PPP2R2C: variants seen among roughly 807,000 people sequenced by gnomAD.
PPP2R2C encodes the protein protein phosphatase 2 regulatory subunit Bgamma, also known as protein phosphatase 2, regulatory subunit B, gamma.
A neutral mutation model predicts 45.3 loss-of-function variants in PPP2R2C; 10 were observed. That is an observed-to-expected ratio of 0.22 (90% confidence interval 0.14 to 0.37). The LOEUF is 0.37. PPP2R2C is among the 10% of genes least tolerant of loss of function. The pLI is 1.00. For synonymous variants in PPP2R2C, 257 were observed against 245.4 expected, an observed-to-expected ratio of 1.05 and a Z score of -0.44; for missense variants, 308 against 619.7, an observed-to-expected ratio of 0.50 and a Z score of 5.34.
At chr4:6,528,528 A>T (rs553956337) in intron 2 of PPP2R2C, among the ~76,000 whole-genome samples, 56,610 of 152,010 alleles carry the variant, frequency 0.37, 11,322 homozygotes, top group African/African-American at 0.52. Context: ...CTGGCGTCTG[A>T]GAGCCAGTGT....
intron 2 of PPP2R2C, among the ~76,000 whole-genome samples, chr4:6,490,819 C>G (rs1722680580): frequency 6.6e-6 from 1 of 152,238 alleles, no homozygotes; most frequent in South Asian, 2.1e-4. Context: ...TGGGCAAACA[C>G]TCCTCAAGCA....
At chr4:6,437,797 T>C (rs1560547033) in intron 1 of PPP2R2C, among the ~76,000 whole-genome samples, 1 of 152,234 alleles carries the variant, frequency 6.6e-6, no homozygotes, top group Non-Finnish European at 1.5e-5. Flanking sequence ...CTCCACTGTG[T>C]GTTCTTTCAG....
chr4:6,467,754 C>T (rs1721664660), intron 1 of PPP2R2C, among the ~76,000 whole-genome samples: 1 of 152,176 alleles, frequency 6.6e-6, no homozygotes, highest in South Asian at 2.1e-4. Context: ...AAAGTAACAG[C>T]TCATGTAACT....
chr4:6,393,927 CA>C (rs1348379071), intron 1 of PPP2R2C, among the ~76,000 whole-genome samples: 12 of 152,198 alleles, frequency 7.9e-5, no homozygotes, highest in Non-Finnish European at 7.3e-5. Flanking sequence ...ATCGGATCCC[CA>C]TGGACCTTCA....
Position 6,556,727 on chromosome 4 carries a change from G to A in PPP2R2C, c.-59+6833C>T, listed in dbSNP as rs563865108. ...TTAGTGTAGATCCCTACTCCAGGCTGTGGTTCCTCCCCAGCAACATGAGCA... is the reference window on the plus strand; with the variant it reads ...TTAGTGTAGATCCCTACTCCAGGCTATGGTTCCTCCCCAGCAACATGAGCA... On this transcript the variant is annotated intron_variant, in intron 1 of 9. Coordinates refer to the PPP2R2C transcript ENST00000506140. 2.2e-4 allele frequency among the ~76,000 whole-genome samples: 29 copies of A among 134,076 alleles called. No homozygotes were observed. In the East Asian group the frequency reaches 4.4e-3, roughly 20 times the overall value. The allele number at this position is 134,076 out of a possible 152,430, so 88.0% of individuals were successfully genotyped here. A position where few individuals can be genotyped will look rare whatever the true frequency, so the allele number is the denominator to read the frequency against.
At chr4:6,421,502 A>G (rs1453816568) in intron 1 of PPP2R2C, among the ~76,000 whole-genome samples, 2 of 152,142 alleles carry the variant, frequency 1.3e-5, no homozygotes, top group Non-Finnish European at 2.9e-5. Flanking sequence ...GTGCCGCTCT[A>G]GATACTGAGT....
intron 1 of PPP2R2C, among the ~76,000 whole-genome samples, chr4:6,404,777 T>C (rs1403606244): frequency 6.6e-6 from 1 of 152,102 alleles, no homozygotes; most frequent in East Asian, 1.9e-4. Flanking sequence ...GCGAGGTGGA[T>C]TCAGGGCACC....
At chr4:6,379,516 G>A (rs767152309) in intron 2 of PPP2R2C, among the ~76,000 whole-genome samples, 5 of 152,330 alleles carry the variant, frequency 3.3e-5, no homozygotes, top group Middle Eastern at 3.4e-3. Flanking sequence ...CACTCGCTAT[G>A]ACAAAGGTCA....
At chr4:6,442,343 G>A (rs1720198197) in intron 1 of PPP2R2C, among the ~76,000 whole-genome samples, 1 of 152,232 alleles carries the variant, frequency 6.6e-6, no homozygotes, top group Non-Finnish European at 1.5e-5. Flanking sequence ...GGAGGTGGGT[G>A]AGTGGCCAGA....
chr4:6,512,293 G>A (rs1317594202), intron 2 of PPP2R2C, among the ~76,000 whole-genome samples: 3 of 109,406 alleles, frequency 2.7e-5, no homozygotes, highest in Non-Finnish European at 3.9e-5. Flanking sequence ...GGTGATGGTG[G>A]CGGTGGTGGT....
chr4:6,503,523 T>C (rs911823980), intron 2 of PPP2R2C, among the ~76,000 whole-genome samples: 9 of 152,224 alleles, frequency 5.9e-5, no homozygotes, highest in African/African-American at 2.2e-4. Context: ...ATGTGTTTTG[T>C]TCATGACAGT....
intron 1 of PPP2R2C, among the ~76,000 whole-genome samples, chr4:6,540,221 C>T (rs1037438395): frequency 2.6e-5 from 4 of 152,196 alleles, no homozygotes; most frequent in Admixed American, 1.3e-4. Flanking sequence ...AATGGTCATT[C>T]CCCAAGCCCC....
chr4:6,409,828 T>C lies in PPP2R2C; in HGVS notation c.71-28734A>G, dbSNP rs1718040918. The stretch of plus-strand genomic sequence containing the variant: ...CATGCCCCGCTCCCCAAACATGCGG[T>C]GCCCTTTTATCCTCCAAGCCTTTGC... On this transcript the variant is annotated intron_variant, in intron 1 of 8. Transcript: ENST00000382599. Among the ~76,000 whole-genome samples the C allele has an allele frequency of 5.3e-5, 8 of 152,304 alleles. 1 individual carries two copies. The South Asian group carries it at 1.4e-3, about 28-fold the overall frequency.
intron 2 of PPP2R2C, among the ~76,000 whole-genome samples, chr4:6,521,356 G>A (rs1429491733): frequency 6.6e-6 from 1 of 152,204 alleles, no homozygotes; most frequent in East Asian, 1.9e-4. Context: ...TTTACCAACT[G>A]CCTCCAGGAT....
chr4:6,476,656 C>G (rs1385923692), upstream of PPP2R2C, among the ~76,000 whole-genome samples: 1 of 152,174 alleles, frequency 6.6e-6, no homozygotes, highest in Admixed American at 6.5e-5. Flanking sequence ...TCCAAACTGA[C>G]TAAGACACCA....
intron 1 of PPP2R2C, among the ~76,000 whole-genome samples, chr4:6,540,246 C>T (rs1420379384): frequency 1.3e-5 from 2 of 152,180 alleles, no homozygotes; most frequent in African/African-American, 4.8e-5. Flanking sequence ...CCCTGGTAAC[C>T]ACTAATCTGC....
chr4:6,431,232 C>A (rs371157513), intron 1 of PPP2R2C, among the ~76,000 whole-genome samples: 1 of 152,362 alleles, frequency 6.6e-6, no homozygotes, highest in African/African-American at 2.4e-5. Context: ...AAGGCAGCCC[C>A]TGCCAGCTTC....
intron 1 of PPP2R2C, chr4:6,414,170 T>G: frequency 1.0e-6 from 1 of 954,112 alleles, no homozygotes; most frequent in African/African-American, 1.7e-5. Flanking sequence ...CTAGTATGCC[T>G]TTTTCCTCCT....
At chr4:6,449,373 A>C (rs548562809) in intron 1 of PPP2R2C, among the ~76,000 whole-genome samples, 3 of 152,348 alleles carry the variant, frequency 2.0e-5, no homozygotes, top group East Asian at 3.9e-4. Flanking sequence ...AGAGAACTGC[A>C]CTTTCACAGT....
Sources: gnomAD v4.1 joint callset for allele counts (sites outside exome capture counted in the v4.1 genomes callset) on GRCh38, gnomAD v4.1.1 for gene constraint, MANE v1.5 for transcripts, NCBI Gene and HGNC (gene_info 2026-07-23, HGNC 2026-07-21) for gene names.